MAP1B: variants seen among roughly 807,000 people sequenced by gnomAD.
MAP1B encodes the protein microtubule associated protein 1B, also known as microtubule-associated protein 1B.
Under a neutral mutation model 176.1 loss-of-function variants are expected in MAP1B, and 12 were observed. That is an observed-to-expected ratio of 0.07 (90% CI 0.04 to 0.11). The LOEUF (loss-of-function observed/expected upper bound fraction) is 0.11, where lower values mean the gene tolerates loss of function less well. Ranked by LOEUF, MAP1B falls within the 10% of genes least tolerant of loss-of-function variation. The probability of loss-of-function intolerance (pLI) is 1.00; values close to 1 mark genes in which losing one functional copy is unlikely to be tolerated. For missense variants in MAP1B, 2,523 were observed against 2,990.5 expected, an observed-to-expected ratio of 0.84 and a Z score of 3.65; for synonymous variants, 1,044 against 1,135.0, an observed-to-expected ratio of 0.92 and a Z score of 1.61.
intron 2 of MAP1B, among the ~76,000 whole-genome samples, chr5:72,171,413 C>T (rs1260811659): frequency 6.6e-6 from 1 of 151,956 alleles, no homozygotes; most frequent in East Asian, 1.9e-4. Context: ...CATAGTGAGA[C>T]CCCATCTCTA....
chr5:72,107,477 A>T lies in MAP1B; in HGVS notation c.-55A>T. 7.0e-7 allele frequency: 1 copy of T among 1,436,208 alleles called. No individual in the cohort carries two copies. Among genetic ancestry groups the T allele is most frequent in the Non-Finnish European group, 9.3e-7 (1 of 1,072,916 alleles). 89.0% of individuals were successfully genotyped at this position (1,436,208 alleles called of 1,614,324 possible). A position where few individuals can be genotyped will look rare whatever the true frequency, so the allele number is the denominator to read the frequency against. On this transcript the variant is annotated 5_prime_UTR_variant, in exon 1 of 7. Transcript: ENST00000296755. ...CGGAGATAATCCTTTCTCCTGCCGC[A>T]GTGGAGAGGAGCGGCCGGAGCGAGA...
At chr5:72,122,408 T>C (rs994197204) in intron 2 of MAP1B, among the ~76,000 whole-genome samples, 7 of 152,150 alleles carry the variant, frequency 4.6e-5, no homozygotes, top group Admixed American at 4.6e-4. Flanking sequence ...AATTTTATAG[T>C]GTACGCAGCA....
intron 4 of MAP1B, among the ~76,000 whole-genome samples, chr5:72,191,359 TG>T (rs1433951592): frequency 2.0e-5 from 3 of 152,250 alleles, no homozygotes; most frequent in Admixed American, 1.3e-4. Flanking sequence ...TCCTTGCCAC[TG>T]CTAACATTGT....
At chr5:72,143,123 C>T (rs1191771654) in intron 2 of MAP1B, among the ~76,000 whole-genome samples, 1 of 151,980 alleles carries the variant, frequency 6.6e-6, no homozygotes, top group Admixed American at 6.6e-5. Flanking sequence ...AAGACAAATA[C>T]CAACTAAGTG....
rs1351390809 is a variant in MAP1B at position 72,204,484 on chromosome 5, C to T, written c.7252-600C>T. Among the ~76,000 whole-genome samples the T allele has an allele frequency of 2.6e-5, 4 of 152,166 alleles. No individual in the cohort carries two copies. The highest frequency in any genetic ancestry group is 7.2e-5 in the African/African-American group (3 of 41,438). On this transcript the variant is annotated intron_variant, in intron 6 of 6. Coordinates refer to ENST00000296755, the MANE Select transcript of MAP1B (RefSeq NM_005909.5). The surrounding 1 kb of genome is among the most constrained non-coding windows in gnomAD (Gnocchi z 4.4). The stretch of plus-strand genomic sequence containing the variant: ...GTACAAAATTACCTAGTAAATTGTG[C>T]TTGTATCATATTATATAGAATTACT...
chr5:72,168,227 A>C (rs1405433325), intron 2 of MAP1B, among the ~76,000 whole-genome samples: 1 of 152,216 alleles, frequency 6.6e-6, no homozygotes, highest in Non-Finnish European at 1.5e-5. Context: ...TTCTCCAGCA[A>C]CAGCCTCTGC....
chr5:72,120,042 A>G (rs1363078830), intron 2 of MAP1B, among the ~76,000 whole-genome samples: 1 of 152,198 alleles, frequency 6.6e-6, no homozygotes, highest in East Asian at 1.9e-4. Context: ...TATGTATAGT[A>G]GTAAAGAAGG....
At position 72,196,599 on chromosome 5, in the gene MAP1B, G is replaced by A. The variant is rs145563973; in HGVS notation, c.3244G>A (p.Ala1082Thr). The stretch of plus-strand genomic sequence containing the variant: ...AGCCCAGTCTCCTGGCCGAGAACCT[G>A]CATCTTCAATTCATGATGAGACTTT... ...LGAQSPGREP[A>T]SSIHDETLPG... The change falls in exon 5 of 7, where the codon GCA becomes ACA. Residue 1082 changes from alanine to threonine, a missense_variant. Physicochemically the swap from Ala to Thr is moderately conservative, Grantham distance 58 (BLOSUM62 0). Transcript: ENST00000296755. The surrounding 1 kb of genome is among the most constrained non-coding windows in gnomAD (Gnocchi z 5.3). The A allele has an allele frequency of 2.9e-5, 46 of 1,613,890 alleles. No individual in the cohort carries two copies. The African/African-American group carries it at 5.7e-4, about 20-fold the overall frequency.
At chr5:72,160,516 A>G (rs1398480163) in intron 2 of MAP1B, among the ~76,000 whole-genome samples, 1 of 152,132 alleles carries the variant, frequency 6.6e-6, no homozygotes, top group Non-Finnish European at 1.5e-5. Context: ...GGGTTCATGA[A>G]TGTTCCTGTG....
rs1747240220 is a variant in MAP1B, at chr5:72,198,528, C to A, written c.5173C>A (p.Gln1725Lys). The A allele has an allele frequency of 6.2e-7, 1 of 1,613,892 alleles. No individual in the cohort carries two copies. The highest frequency in any genetic ancestry group is 8.5e-7 in the Non-Finnish European group (1 of 1,180,036). ...NDLSELISVSQVEASPSTSSA... is the reference protein window; with the variant it reads ...NDLSELISVSKVEASPSTSSA... The stretch of plus-strand genomic sequence containing the variant: ...TCTTTCTGAGCTCATCTCAGTATCT[C>A]AGGTAGAGGCCTCCCCGTCCACCTC... Residue 1725 changes from glutamine to lysine, a missense_variant, in exon 5 of 7, where the codon CAG (glutamine) becomes AAG (lysine). Physicochemically the swap from Gln to Lys is moderately conservative, Grantham distance 53. Transcript: ENST00000296755.
At chr5:72,173,183 T>C (rs527283322) in intron 2 of MAP1B, among the ~76,000 whole-genome samples, 9 of 152,338 alleles carry the variant, frequency 5.9e-5, no homozygotes, top group Admixed American at 5.2e-4. Flanking sequence ...GTCTTGAATA[T>C]ACCTTAGCCA....
At chr5:72,171,190 G>A (rs1294237340) in intron 2 of MAP1B, among the ~76,000 whole-genome samples, 3 of 152,116 alleles carry the variant, frequency 2.0e-5, no homozygotes, top group South Asian at 2.1e-4. Context: ...GTGGCTTTTC[G>A]GGGGACATTT....
At chr5:72,159,258 G>GA (rs1165224538) in intron 2 of MAP1B, among the ~76,000 whole-genome samples, 11 of 151,918 alleles carry the variant, frequency 7.2e-5, no homozygotes, top group Non-Finnish European at 1.0e-4. Flanking sequence ...GAAGGGTACT[G>GA]AAAAAAAACT....
intron 2 of MAP1B, among the ~76,000 whole-genome samples, chr5:72,171,297 G>A (rs1022544880): frequency 6.6e-6 from 1 of 152,158 alleles, no homozygotes; most frequent in African/African-American, 2.4e-5. Context: ...GCATTTAACA[G>A]TGTAAGAAGG....
In MAP1B at chr5:72,199,154, TGAAGATGGTGA is replaced by T; in HGVS notation, c.5800_5810del (p.Glu1934LeufsTer4). The T allele has an allele frequency of 6.2e-7, 1 of 1,614,112 alleles. No individual in the cohort carries two copies. Among genetic ancestry groups the T allele is most frequent in the East Asian group, 2.2e-5 (1 of 44,880 alleles). ...CCATTGGGAAAACTACCAAGACCCC[TGAAGATGGTGA>T]CTATTCCTATGAAATTATTGAGAAG... On this transcript the variant is annotated frameshift_variant, in exon 5 of 7. Coordinates refer to ENST00000296755, the MANE Select transcript of MAP1B (RefSeq NM_005909.5). LOFTEE classifies it high-confidence loss of function. The surrounding 1 kb of genome is among the most constrained non-coding windows in gnomAD (Gnocchi z 4.2).
intron 1 of MAP1B, among the ~76,000 whole-genome samples, chr5:72,111,282 CAT>C (rs1188100739): frequency 6.6e-6 from 1 of 151,912 alleles, no homozygotes; most frequent in Non-Finnish European, 1.5e-5. Context: ...GGAACTAAAA[CAT>C]ATAAAGAATA....
intron 4 of MAP1B, among the ~76,000 whole-genome samples, chr5:72,189,318 C>T (rs1746976266): frequency 1.3e-5 from 2 of 152,138 alleles, no homozygotes; most frequent in South Asian, 2.1e-4. Flanking sequence ...ATCATCATCT[C>T]CTGGGGACAT....
chr5:72,200,327 C>T lies in MAP1B; in HGVS notation c.6972C>T (p.Ala2324=), dbSNP rs1747303927. The change falls in exon 5 of 7, where the codon GCC becomes GCT. Residue 2324 remains alanine, a synonymous_variant. Transcript: ENST00000296755. ...AAGACAAGGAGACCAAGAATGCTGC[C>T]AATGCCTCTGCATCCAAGTCGGCCA... is the stretch of plus-strand genomic sequence containing the variant. The part of the protein sequence containing the change: ...EEKDKETKNA[A]NASASKSAKT... The T allele has an allele frequency of 6.2e-7, 1 of 1,613,984 alleles. No individual in the cohort carries two copies. The highest frequency in any genetic ancestry group is 1.7e-5 in the Admixed American group (1 of 59,990).
chr5:72,129,731 C>A (rs904066801), intron 2 of MAP1B, among the ~76,000 whole-genome samples: 49 of 152,088 alleles, frequency 3.2e-4, no homozygotes, highest in African/African-American at 1.2e-3. Flanking sequence ...CTTATTGTGT[C>A]CTCCCTGCCA....
Sources: allele counts gnomAD v4.1 joint callset (sites outside exome capture counted in the v4.1 genomes callset), GRCh38; gene constraint gnomAD v4.1.1; non-coding constraint Gnocchi (gnomAD v3.1); transcripts MANE v1.5; gene names NCBI Gene and HGNC (gene_info 2026-07-23, HGNC 2026-07-21).